The following GOLM1 variants were observed in gnomAD, a reference collection of about 807,000 sequenced individuals.
GOLM1 encodes the protein epididymis luminal protein 46.
In GOLM1, 31 loss-of-function variants were observed where a neutral mutation model predicts 50.5. That is an observed-to-expected ratio of 0.61 (90% CI 0.46 to 0.83). GOLM1 has a LOEUF of 0.83. Ranked by LOEUF, GOLM1 falls within the 40% of genes least tolerant of loss-of-function variation. The pLI, the probability that GOLM1 is intolerant of heterozygous loss-of-function variation, is 0.00. For missense variants in GOLM1, 491 were observed against 501.3 expected, an observed-to-expected ratio of 0.98 and a Z score of 0.20; for synonymous variants, 178 against 192.8, an observed-to-expected ratio of 0.92 and a Z score of 0.64.
chr9:86,046,361 G>T (rs751923846), intron 5 of GOLM1, 109 bp downstream of exon 5: 5 of 704,422 alleles, frequency 7.1e-6, no homozygotes, highest in Non-Finnish European at 7.7e-6. Context: ...TCAGAGTCCC[G>T]CACGGAGCAG....
In GOLM1 at chr9:86,026,780, G is replaced by C. The variant is rs1371152603; in HGVS notation, c.*1037C>G. 2.0e-6 allele frequency: 2 copies of C among 980,646 alleles called. No homozygotes were observed. The highest frequency in any genetic ancestry group is 2.4e-6 in the Non-Finnish European group (2 of 825,614). 60.7% of individuals were successfully genotyped at this position (980,646 alleles called of 1,614,324 possible). A position where few individuals can be genotyped will look rare whatever the true frequency, so the allele number is the denominator to read the frequency against. On this transcript the variant is annotated 3_prime_UTR_variant, in exon 10 of 10. Transcript: ENST00000388712. ...TAATTTTCAAAATTCACATTAACTT[G>C]ATTTTAAAATCAGTTTTGTGAGTCA...
At chr9:86,081,438 C>T (rs974636506) in intron 1 of GOLM1, among the ~76,000 whole-genome samples, 2 of 152,028 alleles carry the variant, frequency 1.3e-5, no homozygotes, top group East Asian at 3.9e-4. Context: ...TCAGGTGATC[C>T]GTCTGCCTCG....
intron 5 of GOLM1, among the ~76,000 whole-genome samples, chr9:86,044,722 C>A (rs180879174): frequency 6.6e-6 from 1 of 152,124 alleles, no homozygotes; most frequent in Non-Finnish European, 1.5e-5. Context: ...GAGGCGAAGA[C>A]GAGCAGATCA....
chr9:86,068,174 T>A (rs1834359451), intron 3 of GOLM1, among the ~76,000 whole-genome samples: 1 of 151,978 alleles, frequency 6.6e-6, no homozygotes, highest in Non-Finnish European at 1.5e-5. Flanking sequence ...GCAGGCCATG[T>A]GAGGTGGAAA....
chr9:86,027,031 T>C lies in GOLM1; in HGVS notation c.*786A>G. 4 of 985,354 alleles carry C rather than the reference T, an allele frequency of 4.1e-6. No homozygotes were observed. Among genetic ancestry groups the C allele is most frequent in the Non-Finnish European group, 4.8e-6 (4 of 829,932 alleles). The allele number at this position is 985,354 out of a possible 1,614,324, so 61.0% of individuals were successfully genotyped here. A position where few individuals can be genotyped will look rare whatever the true frequency, so the allele number is the denominator to read the frequency against. ...CCAGGTCAGCCCCCTTTTGGCCTGT[T>C]TGTTTTGTCAAAAACCTAATCTGCT... On this transcript the variant is annotated 3_prime_UTR_variant, in exon 10 of 10. Transcript: ENST00000388712.
At chr9:86,041,567 C>T (rs1833352672) in intron 5 of GOLM1, among the ~76,000 whole-genome samples, 1 of 152,210 alleles carries the variant, frequency 6.6e-6, no homozygotes, top group African/African-American at 2.4e-5. Context: ...CTCCCCCCGG[C>T]GCCTGCCCTC....
chr9:86,098,581 C>A (rs1835423503), intron 1 of GOLM1, among the ~76,000 whole-genome samples: 1 of 152,168 alleles, frequency 6.6e-6, no homozygotes, highest in African/African-American at 2.4e-5. Flanking sequence ...GCAAATCTGG[C>A]TATGGGACAT....
At chr9:86,077,201 T>C (rs958314664) in intron 3 of GOLM1, among the ~76,000 whole-genome samples, 18 of 151,836 alleles carry the variant, frequency 1.2e-4, no homozygotes, top group African/African-American at 3.6e-4. Flanking sequence ...ATTTCTCCTG[T>C]TTATTACCAC....
chr9:86,074,701 G>C (rs959584509), intron 3 of GOLM1, among the ~76,000 whole-genome samples: 5 of 152,154 alleles, frequency 3.3e-5, no homozygotes, highest in Non-Finnish European at 5.9e-5. Flanking sequence ...CTGCTGGGAG[G>C]AATTAATGAA....
chr9:86,042,501 G>C (rs960829625), intron 5 of GOLM1, among the ~76,000 whole-genome samples: 1 of 152,006 alleles, frequency 6.6e-6, no homozygotes, highest in Non-Finnish European at 1.5e-5. Flanking sequence ...ACCACACACA[G>C]AGAAGGGAAC....
intron 1 of GOLM1, among the ~76,000 whole-genome samples, chr9:86,081,697 C>A (rs190557649): frequency 6.6e-6 from 1 of 151,794 alleles, no homozygotes; most frequent in East Asian, 2.0e-4. Flanking sequence ...TGAGACCAGC[C>A]TGGCCAACGT....
rs1833069158 is a variant in GOLM1 at position 86,034,234 on chromosome 9, A to G, written c.1016-839T>C. The stretch of plus-strand genomic sequence containing the variant: ...CACCTCGGCCTCTCAAAGTGCTGGG[A>G]TTACAGGCATGAGCCACTGCGCCCG... On this transcript the variant is annotated intron_variant, in intron 8 of 9. Transcript: ENST00000388712. 2.0e-5 allele frequency among the ~76,000 whole-genome samples: 3 copies of G among 152,152 alleles called. No homozygotes were observed. The South Asian group carries it at 6.2e-4, about 31-fold the overall frequency.
chr9:86,044,212 G>T (rs1833458048), intron 5 of GOLM1, among the ~76,000 whole-genome samples: 1 of 152,172 alleles, frequency 6.6e-6, no homozygotes, highest in Non-Finnish European at 1.5e-5. Flanking sequence ...GCCTACTGGG[G>T]ACAAGACTGC....
At position 86,035,880 on chromosome 9, in the gene GOLM1, AAAC is replaced by A. The variant is rs1391384960; in HGVS notation, c.758-258_758-256del. ...AAGTAGCTTACCAAAAAAAAAAACA[AAAC>A]AAAAAAAAAAAAACACCTGGACTAA... On this transcript the variant is annotated intron_variant, in intron 7 of 9. Transcript: ENST00000388712. Among the ~76,000 whole-genome samples, 42 of 128,448 alleles carry A rather than the reference AAAC, an allele frequency of 3.3e-4. 3 individuals carry two copies. The highest frequency in any genetic ancestry group is 1.0e-3 in the African/African-American group (33 of 32,828). The allele number at this position is 128,448 out of a possible 152,430, so 84.3% of individuals were successfully genotyped here.
At chr9:86,083,657 G>A (rs541265707) in intron 1 of GOLM1, among the ~76,000 whole-genome samples, 344 of 152,302 alleles carry the variant, frequency 2.3e-3, no homozygotes, top group African/African-American at 7.8e-3. Context: ...CAAAGTGCTG[G>A]GATTATGGGC....
intron 9 of GOLM1, among the ~76,000 whole-genome samples, chr9:86,030,317 G>A (rs983883232): frequency 6.6e-6 from 1 of 151,536 alleles, no homozygotes; most frequent in African/African-American, 2.4e-5. Context: ...TGACAACAGA[G>A]AGTTTGTATT....
intron 9 of GOLM1, 56 bp downstream of exon 9, chr9:86,033,226 G>A: frequency 2.1e-6 from 2 of 942,474 alleles, no homozygotes; most frequent in South Asian, 1.3e-5. Flanking sequence ...CACGGTGAAG[G>A]ACCAGGAAAG....
upstream of GOLM1, chr9:86,099,630 C>A (rs1297356070): frequency 2.7e-5 from 4 of 149,312 alleles, 1 homozygote; most frequent in East Asian, 7.9e-4. Context: ...GCGCCGCGAG[C>A]GCGGAGAAGC....
intron 2 of GOLM1, 114 bp downstream of exon 2, chr9:86,079,078 C>T (rs1834708063): frequency 3.2e-6 from 3 of 926,834 alleles, no homozygotes; most frequent in African/African-American, 3.3e-5. Context: ...CAAGCGTGTG[C>T]CCTGCACAAA....
Sources: allele counts gnomAD v4.1 joint callset (sites outside exome capture counted in the v4.1 genomes callset), GRCh38; gene constraint gnomAD v4.1.1; transcripts MANE v1.5; gene names NCBI Gene and HGNC (gene_info 2026-07-23, HGNC 2026-07-21).